UBE2V2: variants seen among roughly 807,000 people sequenced by gnomAD.
The protein encoded by UBE2V2 is ubiquitin-conjugating enzyme E2 variant 2.
In UBE2V2, 9 loss-of-function variants were observed where a neutral mutation model predicts 17.2. The ratio of observed to expected loss-of-function variants is 0.52; its 90% CI spans 0.32 to 0.91. The LOEUF (loss-of-function observed/expected upper bound fraction) is 0.91. Ranked by LOEUF, UBE2V2 falls within the 40% of genes least tolerant of loss-of-function variation. The probability of loss-of-function intolerance (pLI) is 0.04; values close to 1 mark genes in which losing one functional copy is unlikely to be tolerated. For synonymous variants in UBE2V2, 61 were observed against 57.5 expected (o/e 1.06, Z -0.28); for missense variants, 133 against 182.6 (o/e 0.73, Z 1.56).
chr8:48,053,323 A>G (rs940582004), intron 3 of UBE2V2, among the ~76,000 whole-genome samples: 5 of 152,312 alleles, frequency 3.3e-5, no homozygotes, highest in East Asian at 1.9e-4. Context: ...TGTTTCTAAC[A>G]TAATAGAAGT....
Position 48,054,560 on chromosome 8 carries a change from G to C in UBE2V2, c.291+4582G>C, listed in dbSNP as rs151129958. On this transcript the variant is annotated intron_variant, in intron 3 of 3. Coordinates refer to ENST00000523111, the MANE Select transcript of UBE2V2 (RefSeq NM_003350.3). The stretch of plus-strand genomic sequence containing the variant: ...TCTCTTCATTTACATCTAAGAGTTT[G>C]GATTATTACTTTTATAACTAGTAAA... Among the ~76,000 whole-genome samples, 12 of 152,238 alleles carry C rather than the reference G, an allele frequency of 7.9e-5. No individual in the cohort carries two copies. In the East Asian group the frequency reaches 2.3e-3, roughly 29 times the overall value.
upstream of UBE2V2, among the ~76,000 whole-genome samples, chr8:48,006,086 C>T (rs2091180958): frequency 6.6e-6 from 1 of 152,186 alleles, no homozygotes; most frequent in African/African-American, 2.4e-5. Context: ...GAAGTCTTTG[C>T]CCATGCCTAC....
chr8:48,027,890 C>T (rs1563852498), intron 1 of UBE2V2, among the ~76,000 whole-genome samples: 2 of 151,984 alleles, frequency 1.3e-5, no homozygotes, highest in African/African-American at 4.8e-5. Context: ...GAGTCTCGCT[C>T]TCGCCCAGGC....
chr8:48,047,468 G>C (rs905969768), intron 2 of UBE2V2, among the ~76,000 whole-genome samples: 22 of 152,184 alleles, frequency 1.4e-4, no homozygotes, highest in African/African-American at 5.3e-4. Context: ...GAGAATACCT[G>C]AGTACTTGAC....
chr8:48,051,269 C>T, intron 3 of UBE2V2, among the ~76,000 whole-genome samples: 1 of 152,146 alleles, frequency 6.6e-6, no homozygotes, highest in East Asian at 1.9e-4. Flanking sequence ...AGCCTAGGCT[C>T]TCTTGGTGCC....
intron 2 of UBE2V2, among the ~76,000 whole-genome samples, chr8:48,047,170 A>G (rs545180919): frequency 1.6e-3 from 241 of 151,384 alleles, no homozygotes; most frequent in Non-Finnish European, 2.8e-3. Context: ...CGAACTCCCA[A>G]CCTCAGGTGA....
upstream of UBE2V2, chr8:48,008,386 G>T (rs28542480): frequency 5.7e-3 from 8,866 of 1,542,748 alleles, 365 homozygotes; most frequent in African/African-American, 0.098. Flanking sequence ...GCAGGGCGGC[G>T]CGCTCCCGGA....
chr8:48,021,586 G>T (rs948397715), intron 1 of UBE2V2, among the ~76,000 whole-genome samples: 1 of 152,026 alleles, frequency 6.6e-6, no homozygotes, highest in African/African-American at 2.4e-5. Context: ...GATTACAAGC[G>T]TGAGCCACTG....
chr8:48,056,136 T>C (rs1049649769), intron 3 of UBE2V2, among the ~76,000 whole-genome samples: 1 of 152,246 alleles, frequency 6.6e-6, no homozygotes, highest in Non-Finnish European at 1.5e-5. Context: ...CTTTGGCGAC[T>C]TAACGTAATG....
intron 1 of UBE2V2, among the ~76,000 whole-genome samples, chr8:48,010,721 A>G (rs1589847730): frequency 1.1e-5 from 1 of 94,192 alleles, no homozygotes; most frequent in Admixed American, 1.2e-4. Flanking sequence ...TTTGAGACTG[A>G]GTCTCTCGCT....
intron 1 of UBE2V2, among the ~76,000 whole-genome samples, chr8:48,014,415 G>T (rs186115557): frequency 1.9e-4 from 28 of 150,748 alleles, no homozygotes; most frequent in African/African-American, 6.1e-4. Context: ...GAGGCTGAGG[G>T]GGGCGGATCA....
Position 48,035,674 on chromosome 8 carries a change from C to CT in UBE2V2, c.17-7338dup, listed in dbSNP as rs11363680. 2.5e-3 allele frequency among the ~76,000 whole-genome samples: 67 copies of CT among 26,958 alleles called. 4 individuals are homozygous for CT. The highest frequency in any genetic ancestry group is 3.7e-3 in the African/African-American group (20 of 5,408). 17.7% of individuals were successfully genotyped at this position (26,958 alleles called of 152,430 possible). A position where few individuals can be genotyped will look rare whatever the true frequency, so the allele number is the denominator to read the frequency against. ...GTGTGTGTGTGTATATGTATGTATGCTTTTTTTTTTTTTTTTTTTTTGAGA... is the reference window on the plus strand; with the variant it reads ...GTGTGTGTGTGTATATGTATGTATGCTTTTTTTTTTTTTTTTTTTTTTGAGA... On this transcript the variant is annotated intron_variant, in intron 1 of 3. Coordinates refer to ENST00000523111, the MANE Select transcript of UBE2V2 (RefSeq NM_003350.3).
chr8:48,006,977 T>G (rs1472852690), upstream of UBE2V2, among the ~76,000 whole-genome samples: 1 of 151,806 alleles, frequency 6.6e-6, no homozygotes, highest in African/African-American at 2.4e-5. Flanking sequence ...AACTCCCGGG[T>G]TCACGCCATT....
chr8:48,034,681 GCTT>G (rs376448762), intron 1 of UBE2V2, among the ~76,000 whole-genome samples: 25 of 151,482 alleles, frequency 1.7e-4, no homozygotes, highest in Middle Eastern at 3.4e-3. Context: ...ATACCAATTG[GCTT>G]CTTAAGTTTT....
At chr8:48,005,860 A>G (rs2091179921), upstream of UBE2V2, among the ~76,000 whole-genome samples, 2 of 151,538 alleles carry the variant, frequency 1.3e-5, no homozygotes, top group Admixed American at 6.6e-5. Context: ...TTTTTGATGG[A>G]CTTATTTTTT....
chr8:48,031,452 G>A (rs899155129), intron 1 of UBE2V2, among the ~76,000 whole-genome samples: 5 of 152,100 alleles, frequency 3.3e-5, no homozygotes, highest in African/African-American at 1.2e-4. Context: ...CATATAGGTG[G>A]TGATTTTTTG....
Position 48,043,085 on chromosome 8 carries a change from A to G in UBE2V2, c.69A>G (p.Gln23=), listed in dbSNP as rs1047589875. 6 of 1,595,752 alleles carry G rather than the reference A, an allele frequency of 3.8e-6. No individual in the cohort carries two copies. The highest frequency in any genetic ancestry group is 5.1e-6 in the Non-Finnish European group (6 of 1,169,876). Residue 23 remains glutamine, a synonymous_variant, in exon 2 of 4, where the codon CAA becomes CAG. Transcript: ENST00000523111. ...TGTTGGAAGAACTTGAAGAAGGACAAAAAGGAGTAGGCGACGGTACAGTTA... is the reference window on the plus strand; with the variant it reads ...TGTTGGAAGAACTTGAAGAAGGACAGAAAGGAGTAGGCGACGGTACAGTTA... ...FRLLEELEEG[Q]KGVGDGTVSW...
intron 3 of UBE2V2, among the ~76,000 whole-genome samples, chr8:48,053,383 C>T (rs910728483): frequency 6.6e-6 from 1 of 150,964 alleles, no homozygotes; most frequent in Non-Finnish European, 1.5e-5. Flanking sequence ...CTAGCTTTGT[C>T]AAATGTTAAC....
intron 3 of UBE2V2, among the ~76,000 whole-genome samples, chr8:48,057,883 C>T (rs2091582955): frequency 6.6e-6 from 1 of 152,024 alleles, no homozygotes; most frequent in African/African-American, 2.4e-5. Flanking sequence ...TTAGTGGATT[C>T]CTTTGAATTG....
Sources: gnomAD v4.1 joint callset for allele counts (sites outside exome capture counted in the v4.1 genomes callset) on GRCh38, gnomAD v4.1.1 for gene constraint, MANE v1.5 for transcripts, NCBI Gene and HGNC (gene_info 2026-07-23, HGNC 2026-07-21) for gene names.